Variants in RUNDC3A observed in about 807,000 individuals in gnomAD.
RUNDC3A encodes the protein RUN domain-containing protein 3A.
A neutral mutation model predicts 53.9 loss-of-function variants in RUNDC3A; 28 were observed. That is an observed-to-expected ratio of 0.52 (90% CI 0.38 to 0.71). The LOEUF is 0.71. RUNDC3A is among the 30% of genes least tolerant of loss of function. The pLI is 0.00. For missense variants in RUNDC3A, 491 were observed against 597.3 expected, an observed-to-expected ratio of 0.82 and a Z score of 1.85; for synonymous variants, 232 against 249.4, an observed-to-expected ratio of 0.93 and a Z score of 0.66.
Position 44,318,495 on chromosome 17 carries a change from T to G in RUNDC3A, c.*257T>G, listed in dbSNP as rs2047920707. 2.0e-6 allele frequency: 1 copy of G among 504,436 alleles called. No individual in the cohort carries two copies. Among genetic ancestry groups the G allele is most frequent in the Non-Finnish European group, 3.6e-6 (1 of 278,554 alleles). The allele number at this position is 504,436 out of a possible 1,614,324, so 31.2% of individuals were successfully genotyped here. ...CCCCTGGGGAAGCCTGCTCCATTCT[T>G]CTGGTGACCTTGGCGCTCCTTCACT... is the stretch of plus-strand genomic sequence containing the variant. On this transcript the variant is annotated 3_prime_UTR_variant, in exon 11 of 11. Coordinates refer to ENST00000426726, the MANE Select transcript of RUNDC3A (RefSeq NM_001144825.2).
Position 44,315,676 on chromosome 17 carries a change from T to G in RUNDC3A, c.953+67T>G. 1.6e-6 allele frequency: 2 copies of G among 1,275,192 alleles called. No homozygotes were observed. Among genetic ancestry groups the G allele is most frequent in the Non-Finnish European group, 1.0e-6 (1 of 985,314 alleles). The allele number at this position is 1,275,192 out of a possible 1,614,324, so 79.0% of individuals were successfully genotyped here. A position where few individuals can be genotyped will look rare whatever the true frequency, so the allele number is the denominator to read the frequency against. On this transcript the variant is annotated intron_variant, in intron 8 of 10. Coordinates refer to ENST00000426726, the MANE Select transcript of RUNDC3A (RefSeq NM_001144825.2). The surrounding 1 kb of genome is among the most constrained non-coding windows in gnomAD (Gnocchi z 6.1). ...CGACCACATCACCGGGTGAACCCCA[T>G]CTTCACTTCCATCGACTCTAACATC... is the stretch of plus-strand genomic sequence containing the variant.
intron 2 of RUNDC3A, among the ~76,000 whole-genome samples, 156 bp downstream of exon 2, chr17:44,312,851 C>T (rs1349794970): frequency 6.6e-6 from 1 of 152,006 alleles, no homozygotes; most frequent in South Asian, 2.1e-4. Context: ...TCTGAACCCC[C>T]TCATTGACCC....
chr17:44,317,552 GT>G (rs766707841), intron 10 of RUNDC3A: 16 of 780,746 alleles, frequency 2.0e-5, no homozygotes, highest in Non-Finnish European at 3.6e-5. Flanking sequence ...TGCACTTTGT[GT>G]TGACCTCATC....
chr17:44,317,949 A>G, intron 10 of RUNDC3A, 147 bp from the exon 11 acceptor site: 7 of 799,410 alleles, frequency 8.8e-6, no homozygotes, highest in South Asian at 3.5e-5. Context: ...GTGCTTAACC[A>G]AAGTTTAACT....
intron 2 of RUNDC3A, 54 bp downstream of exon 2, chr17:44,312,749 T>TCCCTCCCCCAGC (rs2047774664): frequency 2.5e-6 from 1 of 407,406 alleles, no homozygotes; most frequent in Non-Finnish European, 3.5e-6. Flanking sequence ...CCTCCCCCAG[T>TCCCTCCCCCAGC]GGTCCCTCCC....
At chr17:44,316,820 CTTTTTTTT>C (rs35019446) in intron 10 of RUNDC3A, 95 bp downstream of exon 10, 72 of 398,424 alleles carry the variant, frequency 1.8e-4, no homozygotes, top group Non-Finnish European at 2.6e-4. Flanking sequence ...TTCTCTTAGT[CTTTTTTTT>C]TTTTTTTTTT....
At chr17:44,311,309 G>T in intron 1 of RUNDC3A, 1 of 985,514 alleles carries the variant, frequency 1.0e-6, no homozygotes, top group Non-Finnish European at 1.2e-6. Flanking sequence ...TCCAGGCCTT[G>T]GTCATCACAA....
rs1438905836 is a variant in RUNDC3A, at chr17:44,315,848, A to G, written c.953+239A>G. The G allele has an allele frequency of 1.0e-5, 4 of 390,564 alleles. No homozygotes were observed. The highest frequency in any genetic ancestry group is 1.8e-5 in the Non-Finnish European group (4 of 222,226). 24.2% of individuals were successfully genotyped at this position (390,564 alleles called of 1,614,324 possible). On this transcript the variant is annotated intron_variant, in intron 8 of 10. Coordinates refer to ENST00000426726, the MANE Select transcript of RUNDC3A (RefSeq NM_001144825.2). This position sits in a 1 kb window ranked among gnomAD's most constrained non-coding sequence, Gnocchi z 6.1. ...CAGAGCCCACCCTTCACCTTCAGTT[A>G]TCTTCCGCTAGAGTGGCCATCCAAC...
chr17:44,310,106 A>T (rs2047721849), intron 1 of RUNDC3A: 1 of 152,228 alleles, frequency 6.6e-6, no homozygotes, highest in Admixed American at 6.5e-5. Context: ...CATTTCCCCC[A>T]ACCCCTGCCA....
intron 10 of RUNDC3A, 37 bp from the exon 11 acceptor site, chr17:44,318,059 G>A: frequency 6.5e-7 from 1 of 1,545,398 alleles, no homozygotes; most frequent in Non-Finnish European, 8.8e-7. Flanking sequence ...CACACATGTA[G>A]ACTGGTCGCT....
intron 2 of RUNDC3A, 50 bp downstream of exon 2, chr17:44,312,745 C>A: frequency 2.3e-6 from 2 of 856,082 alleles, no homozygotes; most frequent in Non-Finnish European, 3.5e-6. Flanking sequence ...CGCCCCTCCC[C>A]CAGTGGTCCC....
At chr17:44,317,005 T>G (rs923076046) in intron 10 of RUNDC3A, 2 of 443,956 alleles carry the variant, frequency 4.5e-6, no homozygotes, top group African/African-American at 4.0e-5. Flanking sequence ...GTATTTTTAG[T>G]AGAGACGCGC....
intron 4 of RUNDC3A, chr17:44,314,183 G>C (rs2047806549): frequency 3.0e-6 from 3 of 995,498 alleles, no homozygotes; most frequent in Non-Finnish European, 3.6e-6. Context: ...GCTATTCACG[G>C]ACACAGAGTC....
rs984043842 is a variant in RUNDC3A, at chr17:44,308,701, G to A, written c.-132G>A. Reference sequence around the variant, plus strand: ...AGGGGGCCGGGCACCGGGCGCAAAGGCAGGGGGATGGCCATGGAAGGGTTG... The same window carrying A: ...AGGGGGCCGGGCACCGGGCGCAAAGACAGGGGGATGGCCATGGAAGGGTTG... On this transcript the variant is annotated 5_prime_UTR_variant, in exon 1 of 11. Coordinates refer to ENST00000426726, the MANE Select transcript of RUNDC3A (RefSeq NM_001144825.2). 1 of 510,712 alleles carries A rather than the reference G, an allele frequency of 2.0e-6. No individual in the cohort carries two copies. Among genetic ancestry groups the A allele is most frequent in the Non-Finnish European group, 3.3e-6 (1 of 299,326 alleles). The allele number at this position is 510,712 out of a possible 1,614,324, so 31.6% of individuals were successfully genotyped here.
At position 44,315,257 on chromosome 17, in the gene RUNDC3A, G is replaced by C; in HGVS notation, c.732G>C (p.Glu244Asp). Residue 244 changes from glutamate to aspartate, a missense_variant, in exon 7 of 11, where the codon GAG becomes GAC. Glu to Asp is a conservative substitution (Grantham distance 45). Around this residue, in one of 2 missense-constraint regions of RUNDC3A, gnomAD observed 273 missense variants for 389.0 expected, o/e 0.70. Coordinates refer to ENST00000426726, the MANE Select transcript of RUNDC3A (RefSeq NM_001144825.2). The surrounding 1 kb of genome is among the most constrained non-coding windows in gnomAD (Gnocchi z 6.1). ...CGTACCTCCCGCTCGTCACCGATGA[G>C]GACAGCTGGTACAGCAAGTGGCACA... ...EHPYLPLVTD[E>D]DSWYSKWHKM... 1.3e-6 allele frequency: 2 copies of C among 1,550,482 alleles called. No homozygotes were observed. The highest frequency in any genetic ancestry group is 1.7e-6 in the Non-Finnish European group (2 of 1,146,766).
chr17:44,318,007 C>A, intron 10 of RUNDC3A, 89 bp from the exon 11 acceptor site: 1 of 1,366,666 alleles, frequency 7.3e-7, no homozygotes, highest in Non-Finnish European at 1.0e-6. Flanking sequence ...TGGGGGGTGA[C>A]TTGAGGGCTG....
intron 1 of RUNDC3A, among the ~76,000 whole-genome samples, chr17:44,311,871 GC>G: frequency 6.6e-6 from 1 of 152,098 alleles, no homozygotes; most frequent in Middle Eastern, 3.4e-3. Flanking sequence ...TGCTGCCAAT[GC>G]CCCCTCCTGC....
chr17:44,311,389 T>C (rs2047744445), intron 1 of RUNDC3A: 1 of 967,772 alleles, frequency 1.0e-6, no homozygotes, highest in Non-Finnish European at 1.2e-6. Context: ...ACATACCTGC[T>C]TGACTACTCA....
In RUNDC3A at chr17:44,316,630, T is replaced by G. The variant is rs1415228420; in HGVS notation, c.1103T>G (p.Met368Arg). Residue 368 changes from methionine to arginine, a missense_variant, in exon 10 of 11, where the codon ATG becomes AGG. Transcript: ENST00000426726. ...TCGCTCTGCCGCAGACACAGCTTCA[T>G]GAGCACGGAGCCGCTGTCAGCTGAA... Reference protein sequence around the residue: ...NSKLYRRHSFMSTEPLSAEAS... With the variant: ...NSKLYRRHSFRSTEPLSAEAS... The G allele has an allele frequency of 6.4e-7, 1 of 1,551,522 alleles. No homozygotes were observed. The highest frequency in any genetic ancestry group is 8.7e-7 in the Non-Finnish European group (1 of 1,147,372).
Sources: gnomAD v4.1 joint callset for allele counts (sites outside exome capture counted in the v4.1 genomes callset) on GRCh38, gnomAD v4.1.1 for gene constraint, gnomAD v4.1.1 regional missense constraint, Gnocchi (gnomAD v3.1) non-coding constraint, MANE v1.5 for transcripts, NCBI Gene and HGNC (gene_info 2026-07-23, HGNC 2026-07-21) for gene names.